Variants in TRAM2 observed in about 807,000 individuals in gnomAD.
The protein encoded by TRAM2 is translocation associated membrane protein 2, also known as translocating chain-associated membrane protein 2.
Under a neutral mutation model 51.0 loss-of-function variants are expected in TRAM2, and 12 were observed. The observed-to-expected ratio is 0.24, with a 90% CI of 0.15 to 0.38. The LOEUF (loss-of-function observed/expected upper bound fraction) is 0.38, where lower values mean the gene tolerates loss of function less well. Ranked by LOEUF, TRAM2 falls within the 10% of genes least tolerant of loss-of-function variation. TRAM2 has a pLI of 1.00. For synonymous variants in TRAM2, 175 were observed against 179.4 expected (o/e 0.98, Z 0.20); for missense variants, 361 against 462.0 (o/e 0.78, Z 2.00).
chr6:52,519,248 CA>C (rs1454440800), intron 2 of TRAM2, among the ~76,000 whole-genome samples: 1 of 152,208 alleles, frequency 6.6e-6, no homozygotes, highest in East Asian at 1.9e-4. Flanking sequence ...TACACTTAAA[CA>C]CCAGCAGCCA....
intron 1 of TRAM2, among the ~76,000 whole-genome samples, chr6:52,559,251 G>A (rs1767457811): frequency 1.2e-4 from 19 of 152,206 alleles, no homozygotes; most frequent in Admixed American, 1.2e-3. Flanking sequence ...CATCAGGAAA[G>A]ATCAGTGTAA....
At chr6:52,548,656 T>A (rs1767252336) in intron 1 of TRAM2, among the ~76,000 whole-genome samples, 1 of 152,198 alleles carries the variant, frequency 6.6e-6, no homozygotes, top group South Asian at 2.1e-4. Context: ...GGGACTAGAA[T>A]CCAAGATCCA....
chr6:52,504,972 G>A (rs570189554), intron 9 of TRAM2, among the ~76,000 whole-genome samples: 2 of 152,352 alleles, frequency 1.3e-5, no homozygotes, highest in Admixed American at 1.3e-4. Flanking sequence ...CCAGGGAGAC[G>A]GGAAGGAAGT....
intron 1 of TRAM2, among the ~76,000 whole-genome samples, chr6:52,556,285 C>CT (rs10531756): frequency 3.2e-3 from 473 of 146,172 alleles, no homozygotes; most frequent in African/African-American, 0.011. Flanking sequence ...TTTTGTTTGG[C>CT]TTTTTTTTTT....
chr6:52,541,263 TA>T (rs1299435628), intron 1 of TRAM2, among the ~76,000 whole-genome samples: 1 of 152,206 alleles, frequency 6.6e-6, no homozygotes, highest in Non-Finnish European at 1.5e-5. Flanking sequence ...ATCGAGTGCT[TA>T]TTTGGTGCCA....
At chr6:52,543,185 C>T (rs114781121) in intron 1 of TRAM2, among the ~76,000 whole-genome samples, 170 of 152,300 alleles carry the variant, frequency 1.1e-3, no homozygotes, top group African/African-American at 4.0e-3. Flanking sequence ...TAAAAAAAAG[C>T]ACTGACTAGG....
In TRAM2 at chr6:52,500,719, G is replaced by A. The variant is rs943986595; in HGVS notation, c.*2478C>T. ...TCTGGCACGCAAGTGTCCTGGGACAGAGCAATGGAAACCTACAGGCATGAG... is the reference window on the plus strand; with the variant it reads ...TCTGGCACGCAAGTGTCCTGGGACAAAGCAATGGAAACCTACAGGCATGAG... On this transcript the variant is annotated 3_prime_UTR_variant, in exon 11 of 11. Transcript: ENST00000182527. 6.6e-6 allele frequency: 1 copy of A among 152,208 alleles called. No homozygotes were observed. 9.4% of individuals were successfully genotyped at this position (152,208 alleles called of 1,614,324 possible).
At chr6:52,575,028 G>C (rs1767740645) in intron 1 of TRAM2, among the ~76,000 whole-genome samples, 1 of 152,192 alleles carries the variant, frequency 6.6e-6, no homozygotes, top group African/African-American at 2.4e-5. Flanking sequence ...AGGCCTCTTA[G>C]AATGGAGGAC....
intron 10 of TRAM2, among the ~76,000 whole-genome samples, chr6:52,504,004 C>A (rs1192259829): frequency 4.6e-5 from 7 of 152,174 alleles, no homozygotes; most frequent in African/African-American, 1.7e-4. Flanking sequence ...CCAGTGCAGA[C>A]AGGCCCCCAG....
At chr6:52,555,143 T>C (rs1027401762) in intron 1 of TRAM2, among the ~76,000 whole-genome samples, 4 of 152,244 alleles carry the variant, frequency 2.6e-5, no homozygotes, top group Non-Finnish European at 4.4e-5. Context: ...CTTTGATTTA[T>C]GTTAGATGGG....
rs779214347 is a variant in TRAM2 at position 52,508,231 on chromosome 6, C to T, written c.555+3G>A. 3.1e-6 allele frequency: 5 copies of T among 1,613,628 alleles called. No individual in the cohort carries two copies. In the African/African-American group the frequency reaches 6.7e-5, roughly 22 times the overall value. On this transcript the variant is annotated splice_donor_region_variant and intron_variant, in intron 6 of 10. Coordinates refer to ENST00000182527, the MANE Select transcript of TRAM2 (RefSeq NM_012288.4). ...CCAAGAAGGGAGAGAAGTGAGCACT[C>T]ACCTTCCGTACCTTCTGGAAGTATA...
chr6:52,551,091 C>T (rs180778976), intron 1 of TRAM2, among the ~76,000 whole-genome samples: 18 of 152,206 alleles, frequency 1.2e-4, no homozygotes, highest in South Asian at 4.1e-4. Flanking sequence ...CTGTGGTGGA[C>T]GAACAGTTTC....
chr6:52,507,476 T>C, intron 7 of TRAM2, 77 bp downstream of exon 7: 1 of 1,446,368 alleles, frequency 6.9e-7, no homozygotes, highest in Non-Finnish European at 9.6e-7. Flanking sequence ...AAATGCCTGA[T>C]AATTATATGA....
Position 52,516,050 on chromosome 6 carries a change from A to G in TRAM2, c.367T>C (p.Phe123Leu), listed in dbSNP as rs1766541865. Residue 123 changes from phenylalanine (F) to leucine (L), a missense_variant, in exon 4 of 11, where the codon TTT (phenylalanine) becomes CTT (leucine). Coordinates refer to ENST00000182527, the MANE Select transcript of TRAM2 (RefSeq NM_012288.4). ...KFNESGQLVV[F>L]HFTSVIWCFY... ...CACCAAATCACCGAGGTGAAATGAA[A>G]GACGACCAGCTGTCCAGATTCATTG... 1 of 1,614,224 alleles carries G rather than the reference A, an allele frequency of 6.2e-7. No homozygotes were observed. Among genetic ancestry groups the G allele is most frequent in the Non-Finnish European group, 8.5e-7 (1 of 1,180,038 alleles).
At chr6:52,555,348 C>T (rs191422575) in intron 1 of TRAM2, among the ~76,000 whole-genome samples, 12 of 150,596 alleles carry the variant, frequency 8.0e-5, no homozygotes, top group African/African-American at 2.9e-4. Context: ...TTTTTCCATT[C>T]CCAAAACAAA....
intron 2 of TRAM2, chr6:52,529,583 TGAGTAGCAAGCCCTTCA>T (rs1490050556): frequency 6.6e-6 from 1 of 152,210 alleles, no homozygotes; most frequent in African/African-American, 2.4e-5. Context: ...ACGGAAAATC[TGAGTAGCAAGCCCTTCA>T]GAGGACTCCC....
intron 1 of TRAM2, among the ~76,000 whole-genome samples, chr6:52,569,738 C>G (rs1460741921): frequency 6.6e-6 from 1 of 152,048 alleles, no homozygotes; most frequent in African/African-American, 2.4e-5. Flanking sequence ...ATACTAAGAC[C>G]TCTTTGAGAA....
chr6:52,554,834 C>A (rs566167250), intron 1 of TRAM2, among the ~76,000 whole-genome samples: 145 of 149,204 alleles, frequency 9.7e-4, no homozygotes, highest in Middle Eastern at 3.4e-3. Flanking sequence ...TGGGGTGCAA[C>A]CACAGCTCAC....
chr6:52,533,466 T>G (rs1324123559), intron 2 of TRAM2, among the ~76,000 whole-genome samples: 1 of 152,188 alleles, frequency 6.6e-6, no homozygotes, highest in Non-Finnish European at 1.5e-5. Context: ...TCCTGACCAC[T>G]GGTGCTGGCC....
Sources: gnomAD v4.1 joint callset for allele counts (sites outside exome capture counted in the v4.1 genomes callset) on GRCh38, gnomAD v4.1.1 for gene constraint, MANE v1.5 for transcripts, NCBI Gene and HGNC (gene_info 2026-07-23, HGNC 2026-07-21) for gene names.